SPATA16: variants seen among roughly 807,000 people sequenced by gnomAD.
SPATA16 encodes spermatogenesis associated 16, also known as spermatogenesis-associated protein 16.
In SPATA16, 36 loss-of-function variants were observed where a neutral mutation model predicts 63.3. The observed-to-expected ratio is 0.57, with a 90% confidence interval of 0.44 to 0.75. The LOEUF is 0.75. Ranked by LOEUF, SPATA16 falls within the 30% of genes least tolerant of loss-of-function variation. SPATA16 has a pLI of 0.00. For missense variants in SPATA16, 646 were observed against 679.3 expected (o/e 0.95, Z 0.54); for synonymous variants, 203 against 216.7 (o/e 0.94, Z 0.56).
chr3:173,125,924 T>TTTG (rs916199441), intron 1 of SPATA16, among the ~76,000 whole-genome samples: 6 of 152,220 alleles, frequency 3.9e-5, no homozygotes, highest in African/African-American at 7.2e-5. Context: ...AAAGTATCTT[T>TTTG]TTGTTGTTGT....
rs114225572 is a variant in SPATA16 at position 172,903,366 on chromosome 3, C to T, written c.1587+10295G>A. On this transcript the variant is annotated intron_variant, in intron 10 of 10. Transcript: ENST00000351008. ...CTCCTCTAATAGATTTGGACTAATA[C>T]GAGCATTTCCAATTTCTGTTTTAGT... is the stretch of plus-strand genomic sequence containing the variant. Among the ~76,000 whole-genome samples the T allele has an allele frequency of 3.3e-3, 505 of 152,306 alleles. 4 individuals carry two copies. The highest frequency in any genetic ancestry group is 0.011 in the African/African-American group (467 of 41,572).
chr3:173,027,555 T>C (rs971424396), intron 3 of SPATA16, among the ~76,000 whole-genome samples: 4 of 151,898 alleles, frequency 2.6e-5, no homozygotes, highest in Admixed American at 6.6e-5. Flanking sequence ...AATTCTTGCT[T>C]TTTTTCTCTG....
At chr3:173,051,819 T>C (rs1736103344) in intron 2 of SPATA16, among the ~76,000 whole-genome samples, 1 of 152,012 alleles carries the variant, frequency 6.6e-6, no homozygotes, top group South Asian at 2.1e-4. Flanking sequence ...CACACTTTTT[T>C]TTTTTCTTGA....
intron 4 of SPATA16, among the ~76,000 whole-genome samples, chr3:172,985,798 G>A (rs1162772729): frequency 2.0e-5 from 3 of 152,112 alleles, no homozygotes; most frequent in Non-Finnish European, 4.4e-5. Flanking sequence ...GAGAAGCAGA[G>A]GGTTTGTGTA....
At chr3:173,065,291 C>T (rs541566390) in intron 2 of SPATA16, among the ~76,000 whole-genome samples, 4 of 151,904 alleles carry the variant, frequency 2.6e-5, no homozygotes, top group African/African-American at 9.7e-5. Context: ...TCTTGAGGAC[C>T]TATAGTTTTG....
chr3:173,096,692 A>G (rs1199162658), intron 2 of SPATA16, among the ~76,000 whole-genome samples: 1 of 152,166 alleles, frequency 6.6e-6, no homozygotes, highest in Non-Finnish European at 1.5e-5. Flanking sequence ...TTGAATTTCA[A>G]TATGCAACCT....
At chr3:173,128,272 G>A (rs889110617) in intron 1 of SPATA16, among the ~76,000 whole-genome samples, 2 of 152,128 alleles carry the variant, frequency 1.3e-5, no homozygotes, top group Non-Finnish European at 2.9e-5. Flanking sequence ...CATAAAGTAG[G>A]CAGAATAAGG....
At chr3:173,065,310 A>C (rs1346960758) in intron 2 of SPATA16, among the ~76,000 whole-genome samples, 2 of 151,850 alleles carry the variant, frequency 1.3e-5, no homozygotes, top group African/African-American at 4.8e-5. Context: ...TGTGGAATTC[A>C]TTGTGAGAAA....
At chr3:173,128,313 C>G (rs1247808106) in intron 1 of SPATA16, among the ~76,000 whole-genome samples, 2 of 152,070 alleles carry the variant, frequency 1.3e-5, no homozygotes, top group Non-Finnish European at 2.9e-5. Flanking sequence ...TTTATATATC[C>G]CTTTTTTTCT....
chr3:172,922,036 C>T (rs1223383820), intron 8 of SPATA16, among the ~76,000 whole-genome samples: 1 of 152,180 alleles, frequency 6.6e-6, no homozygotes, highest in Non-Finnish European at 1.5e-5. Flanking sequence ...CAGAGGGCTC[C>T]TTGGGTTACA....
intron 2 of SPATA16, among the ~76,000 whole-genome samples, chr3:173,096,232 G>C (rs560551172): frequency 6.6e-6 from 1 of 152,168 alleles, no homozygotes; most frequent in African/African-American, 2.4e-5. Flanking sequence ...TCATAGGATG[G>C]TAATCGGGTT....
chr3:173,048,936 T>A lies in SPATA16; in HGVS notation c.758+13A>T, dbSNP rs1163668266. On this transcript the variant is annotated intron_variant, in intron 3 of 10. Coordinates refer to ENST00000351008, the MANE Select transcript of SPATA16 (RefSeq NM_031955.6). ...AACAGCATTTACTTGCACTTATTAGTATATGATTTTACCTGTGTGCATGAT... is the reference window on the plus strand; with the variant it reads ...AACAGCATTTACTTGCACTTATTAGAATATGATTTTACCTGTGTGCATGAT... 1 of 1,613,412 alleles carries A rather than the reference T, an allele frequency of 6.2e-7. No homozygotes were observed. The highest frequency in any genetic ancestry group is 8.5e-7 in the Non-Finnish European group (1 of 1,179,514).
rs887133861 is a variant in SPATA16, at chr3:173,031,496, C to T, written c.759-11921G>A. 3.3e-5 allele frequency among the ~76,000 whole-genome samples: 5 copies of T among 152,046 alleles called. No homozygotes were observed. In the South Asian group the frequency reaches 1.0e-3, roughly 32 times the overall value. On this transcript the variant is annotated intron_variant, in intron 3 of 10. Transcript: ENST00000351008. ...GAAAGATGAGCTTATCCAAAGATGC[C>T]CTATAATGTAACAATCTGTGTTCTC... is the stretch of plus-strand genomic sequence containing the variant.
chr3:172,946,037 C>T (rs1733275385), intron 6 of SPATA16, among the ~76,000 whole-genome samples: 1 of 152,184 alleles, frequency 6.6e-6, no homozygotes, highest in Non-Finnish European at 1.5e-5. Flanking sequence ...TGTCTTGCAA[C>T]TTGGATACCA....
intron 2 of SPATA16, among the ~76,000 whole-genome samples, chr3:173,053,911 A>G (rs1736156054): frequency 6.6e-6 from 1 of 152,134 alleles, no homozygotes; most frequent in Non-Finnish European, 1.5e-5. Flanking sequence ...CCCTATCACC[A>G]TATATATAAT....
chr3:173,028,551 T>G (rs140609426), intron 3 of SPATA16, among the ~76,000 whole-genome samples: 1 of 152,068 alleles, frequency 6.6e-6, no homozygotes, highest in East Asian at 1.9e-4. Flanking sequence ...ATATCACTGA[T>G]GACGTAAGCA....
At chr3:172,973,004 A>T (rs1041694329) in intron 5 of SPATA16, among the ~76,000 whole-genome samples, 1 of 152,190 alleles carries the variant, frequency 6.6e-6, no homozygotes, top group Admixed American at 6.5e-5. Flanking sequence ...CCCATCTGAG[A>T]TATTGTGTAG....
At chr3:173,033,311 C>G (rs1735645517) in intron 3 of SPATA16, among the ~76,000 whole-genome samples, 1 of 152,066 alleles carries the variant, frequency 6.6e-6, no homozygotes, top group Admixed American at 6.6e-5. Context: ...ATTTCTTCAT[C>G]TACATTGTAA....
Position 173,117,307 on chromosome 3 carries a change from G to A in SPATA16, c.425C>T (p.Ser142Phe), listed in dbSNP as rs1461795553. Reference protein sequence around the residue: ...EMGVRYEFVESFMSTGSQPTC... With the variant: ...EMGVRYEFVEFFMSTGSQPTC... ...TGGCTGACTCCCAGTAGACATGAAG[G>A]ACTCTACAAACTCATAGCGAACACC... The change falls in exon 2 of 11, where the codon TCC becomes TTC. Residue 142 changes from serine (S) to phenylalanine (F), a missense_variant. Coordinates refer to ENST00000351008, the MANE Select transcript of SPATA16 (RefSeq NM_031955.6). The A allele has an allele frequency of 6.2e-7, 1 of 1,614,118 alleles. No homozygotes were observed. Among genetic ancestry groups the A allele is most frequent in the South Asian group, 1.1e-5 (1 of 91,074 alleles).
Sources: allele counts gnomAD v4.1 joint callset (sites outside exome capture counted in the v4.1 genomes callset), GRCh38; gene constraint gnomAD v4.1.1; transcripts MANE v1.5; gene names NCBI Gene and HGNC (gene_info 2026-07-23, HGNC 2026-07-21).